Variants in PLGRKT observed in about 807,000 individuals in gnomAD.
PLGRKT encodes the protein plasminogen receptor (KT).
In PLGRKT, 22 loss-of-function variants were observed where a neutral mutation model predicts 18.5. That is an observed-to-expected ratio of 1.19 (90% CI 0.85 to 1.70). PLGRKT has a LOEUF of 1.70. PLGRKT is among the 40% of genes most tolerant of loss of function. PLGRKT has a pLI of 0.00. For synonymous variants in PLGRKT, 72 were observed against 52.8 expected (o/e 1.36, Z -1.58); for missense variants, 235 against 174.4 (o/e 1.35, Z -1.96).
At position 5,402,383 on chromosome 9, in the gene PLGRKT, G is replaced by A. The variant is rs116294937; in HGVS notation, c.81+29514C>T. On this transcript the variant is annotated intron_variant, in intron 3 of 5. Coordinates refer to ENST00000223864, the MANE Select transcript of PLGRKT (RefSeq NM_018465.4). Reference sequence around the variant, plus strand: ...CTCTTTTAGGCTAGAAGGGGAAGGGGAAGGAAACAGTATTAACCAGATCCA... The same window carrying A: ...CTCTTTTAGGCTAGAAGGGGAAGGGAAAGGAAACAGTATTAACCAGATCCA... Among the ~76,000 whole-genome samples, 784 of 151,982 alleles carry A rather than the reference G, an allele frequency of 5.2e-3. 23 individuals are homozygous for A. The highest frequency in any genetic ancestry group is 0.018 in the African/African-American group (735 of 41,264).
At chr9:5,363,565 C>T (rs1162208222) in intron 3 of PLGRKT, among the ~76,000 whole-genome samples, 2 of 152,138 alleles carry the variant, frequency 1.3e-5, no homozygotes, top group African/African-American at 4.8e-5. Context: ...GGCATGCTCT[C>T]TGTGAGGTCT....
chr9:5,419,787 TG>T (rs1818539087), intron 3 of PLGRKT, among the ~76,000 whole-genome samples: 1 of 152,168 alleles, frequency 6.6e-6, no homozygotes, highest in African/African-American at 2.4e-5. Context: ...TGTAAAAAAC[TG>T]TGGCCATGGT....
chr9:5,369,151 A>G (rs1461343115), intron 3 of PLGRKT, among the ~76,000 whole-genome samples: 1 of 152,262 alleles, frequency 6.6e-6, no homozygotes, highest in African/African-American at 2.4e-5. Context: ...AAAAGAAACT[A>G]TCATCAGAGT....
chr9:5,374,474 C>G (rs1817589552), intron 3 of PLGRKT, among the ~76,000 whole-genome samples: 1 of 152,222 alleles, frequency 6.6e-6, no homozygotes, highest in African/African-American at 2.4e-5. Flanking sequence ...TCATGTCCTG[C>G]CAGGCTTTTC....
At position 5,426,094 on chromosome 9, in the gene PLGRKT, C is replaced by T. The variant is rs79032222; in HGVS notation, c.81+5803G>A. 8.2e-3 allele frequency among the ~76,000 whole-genome samples: 1,253 copies of T among 152,278 alleles called. 21 individuals carry two copies. The highest frequency in any genetic ancestry group is 0.029 in the African/African-American group (1,219 of 41,556). ...AGACAACATCTTCTAGCCCAGTAGT[C>T]AAGTCCATGCCATTTTCAGGGTCCT... is the stretch of plus-strand genomic sequence containing the variant. On this transcript the variant is annotated intron_variant, in intron 3 of 5. Coordinates refer to ENST00000223864, the MANE Select transcript of PLGRKT (RefSeq NM_018465.4).
chr9:5,381,649 G>A (rs558460805), intron 3 of PLGRKT, among the ~76,000 whole-genome samples: 5 of 151,924 alleles, frequency 3.3e-5, no homozygotes, highest in African/African-American at 7.3e-5. Context: ...ATAACTACCT[G>A]AGACTGTAAA....
intron 3 of PLGRKT, among the ~76,000 whole-genome samples, chr9:5,371,491 C>T (rs755778331): frequency 7.9e-5 from 12 of 152,190 alleles, no homozygotes; most frequent in South Asian, 2.1e-4. Context: ...TTTCCGCTTT[C>T]GCTTCTTCCT....
intron 3 of PLGRKT, among the ~76,000 whole-genome samples, chr9:5,388,553 C>G (rs1328805953): frequency 6.6e-6 from 1 of 152,020 alleles, no homozygotes; most frequent in Non-Finnish European, 1.5e-5. Context: ...CTCTTTCACT[C>G]TTTCCCCAGC....
chr9:5,410,498 CA>C (rs59551404), intron 3 of PLGRKT, among the ~76,000 whole-genome samples: 80,347 of 121,790 alleles, frequency 0.66, 24,902 homozygotes, highest in African/African-American at 0.84. Context: ...GACTCTGTCT[CA>C]AAAAAAAAAA....
rs145424947 is a variant in PLGRKT, at chr9:5,418,072, G to A, written c.81+13825C>T. Among the ~76,000 whole-genome samples the A allele has an allele frequency of 2.0e-5, 3 of 152,248 alleles. No homozygotes were observed. Among genetic ancestry groups the A allele is most frequent in the Non-Finnish European group, 2.9e-5 (2 of 68,020 alleles). ...CGTCTAAGTAGAATATGTCTATCTC[G>A]TAACGTGATTTTGAAAAATCAGAAA... On this transcript the variant is annotated intron_variant, in intron 3 of 5. Coordinates refer to ENST00000223864, the MANE Select transcript of PLGRKT (RefSeq NM_018465.4). The surrounding 1 kb of genome is among the most constrained non-coding windows in gnomAD (Gnocchi z 4.2).
intron 3 of PLGRKT, among the ~76,000 whole-genome samples, chr9:5,396,574 C>T (rs1294296926): frequency 6.6e-6 from 1 of 152,000 alleles, no homozygotes; most frequent in African/African-American, 2.4e-5. Context: ...GAATTAAAGG[C>T]GTGAGCCACT....
chr9:5,417,815 C>T (rs1237333160), intron 3 of PLGRKT, among the ~76,000 whole-genome samples: 4 of 151,304 alleles, frequency 2.6e-5, no homozygotes, highest in African/African-American at 4.9e-5. Flanking sequence ...CAAAAAAAAA[C>T]GACTGTCCAT....
At chr9:5,361,733 A>C in intron 4 of PLGRKT, 25 bp downstream of exon 4, 1 of 1,585,054 alleles carries the variant, frequency 6.3e-7, no homozygotes. Flanking sequence ...AAATGACTGA[A>C]GAAAATGTTA....
intron 3 of PLGRKT, among the ~76,000 whole-genome samples, chr9:5,378,173 A>C (rs1399017453): frequency 6.6e-6 from 1 of 152,186 alleles, no homozygotes; most frequent in Non-Finnish European, 1.5e-5. Flanking sequence ...CAGACATTTG[A>C]GGGAAACCAA....
chr9:5,411,545 G>C (rs1312171493), intron 3 of PLGRKT, among the ~76,000 whole-genome samples: 2 of 152,180 alleles, frequency 1.3e-5, no homozygotes, highest in African/African-American at 4.8e-5. Context: ...GAACCAGTAA[G>C]TGATAGAGTC....
chr9:5,379,438 A>C (rs1817693942), intron 3 of PLGRKT, among the ~76,000 whole-genome samples: 1 of 152,218 alleles, frequency 6.6e-6, no homozygotes, highest in Admixed American at 6.5e-5. Flanking sequence ...TAAAATTAAC[A>C]ATTTAGTTTC....
At chr9:5,412,290 G>T (rs1346143882) in intron 3 of PLGRKT, among the ~76,000 whole-genome samples, 1 of 152,190 alleles carries the variant, frequency 6.6e-6, no homozygotes, top group East Asian at 1.9e-4. Flanking sequence ...TATCATATAT[G>T]AGAATAAACC....
chr9:5,424,700 G>C (rs61272166), intron 3 of PLGRKT, among the ~76,000 whole-genome samples: 1,811 of 115,970 alleles, frequency 0.016, 29 homozygotes, highest in African/African-American at 0.036. Context: ...ATACACACAG[G>C]GGGGGGAGAG....
At chr9:5,360,847 T>C (rs1277043467) in intron 5 of PLGRKT, among the ~76,000 whole-genome samples, 1 of 152,228 alleles carries the variant, frequency 6.6e-6, no homozygotes, top group Admixed American at 6.5e-5. Flanking sequence ...TAAGTGACTA[T>C]GTTTAACAAC....
Sources: gnomAD v4.1 joint callset for allele counts (sites outside exome capture counted in the v4.1 genomes callset) on GRCh38, gnomAD v4.1.1 for gene constraint, Gnocchi (gnomAD v3.1) non-coding constraint, MANE v1.5 for transcripts, NCBI Gene and HGNC (gene_info 2026-07-23, HGNC 2026-07-21) for gene names.